DPP6: variants seen among roughly 807,000 people sequenced by gnomAD.
DPP6 encodes the protein A-type potassium channel modulatory protein DPP6.
A neutral mutation model predicts 122.6 loss-of-function variants in DPP6; 69 were observed. That is an observed-to-expected ratio of 0.56 (90% CI 0.46 to 0.69). DPP6 has a LOEUF of 0.69. DPP6 is among the 30% of genes least tolerant of loss of function. The pLI, the probability that DPP6 is intolerant of heterozygous loss-of-function variation, is 0.00. For missense variants in DPP6, 928 were observed against 1,116.9 expected (o/e 0.83, Z 2.41); for synonymous variants, 418 against 433.1 (o/e 0.97, Z 0.43).
At chr7:154,231,007 T>C in intron 1 of DPP6, among the ~76,000 whole-genome samples, 1 of 152,218 alleles carries the variant, frequency 6.6e-6, no homozygotes, top group Non-Finnish European at 1.5e-5. Flanking sequence ...ATTACTTATT[T>C]TTGACATTTG....
chr7:154,702,223 C>A (rs942662632), intron 7 of DPP6, among the ~76,000 whole-genome samples: 1 of 152,254 alleles, frequency 6.6e-6, no homozygotes, highest in Non-Finnish European at 1.5e-5. Flanking sequence ...CTCACCTCCT[C>A]TTGGGCCTCC....
At chr7:154,604,766 T>A (rs572309035) in intron 5 of DPP6, among the ~76,000 whole-genome samples, 1 of 121,082 alleles carries the variant, frequency 8.3e-6, no homozygotes, top group African/African-American at 2.6e-5. Context: ...AGTTACCATT[T>A]TCTTGCTAAG....
At chr7:153,992,699 A>T (rs1251985366) in intron 1 of DPP6, among the ~76,000 whole-genome samples, 1 of 152,210 alleles carries the variant, frequency 6.6e-6, no homozygotes, top group African/African-American at 2.4e-5. Flanking sequence ...GAAGTCCTTT[A>T]TGCTCTAATT....
At chr7:154,334,084 G>T (rs1326508631) in intron 1 of DPP6, among the ~76,000 whole-genome samples, 6 of 151,688 alleles carry the variant, frequency 4.0e-5, no homozygotes, top group Admixed American at 3.9e-4. Flanking sequence ...CCGGTTATAG[G>T]TGTATCATCA....
intron 3 of DPP6, among the ~76,000 whole-genome samples, chr7:154,510,126 G>C (rs1825950415): frequency 6.6e-6 from 1 of 152,120 alleles, no homozygotes; most frequent in Admixed American, 6.5e-5. Flanking sequence ...AAAAATGAAA[G>C]GTAATATATG....
chr7:153,941,690 A>T (rs1184917537), intron 1 of DPP6, among the ~76,000 whole-genome samples: 1 of 152,222 alleles, frequency 6.6e-6, no homozygotes, highest in African/African-American at 2.4e-5. Flanking sequence ...GGGAATTCAA[A>T]GGATAAGGTT....
chr7:154,644,497 A>G (rs1318879980), intron 6 of DPP6, among the ~76,000 whole-genome samples: 1 of 152,150 alleles, frequency 6.6e-6, no homozygotes, highest in Non-Finnish European at 1.5e-5. Flanking sequence ...GAGAATTCTC[A>G]GCACCCATGT....
chr7:154,464,187 C>T (rs921739462), intron 2 of DPP6, among the ~76,000 whole-genome samples: 2 of 152,174 alleles, frequency 1.3e-5, no homozygotes, highest in Non-Finnish European at 2.9e-5. Flanking sequence ...GTGCTCCGTC[C>T]GTGGGAATTG....
At chr7:154,283,912 ATGCATAGCATGAAAGCAGCT>A (rs1804685100) in intron 1 of DPP6, among the ~76,000 whole-genome samples, 1 of 152,226 alleles carries the variant, frequency 6.6e-6, no homozygotes, top group Non-Finnish European at 1.5e-5. Context: ...CTCTTTGCAG[ATGCATAGCATGAAAGCAGCT>A]GTTTCAGAAT....
At chr7:154,452,861 T>C (rs181322222) in intron 2 of DPP6, among the ~76,000 whole-genome samples, 1 of 152,348 alleles carries the variant, frequency 6.6e-6, no homozygotes, top group East Asian at 1.9e-4. Flanking sequence ...AAATTAAAAG[T>C]GTTCAAGGTG....
chr7:154,093,120 C>T (rs1184630959), intron 1 of DPP6, among the ~76,000 whole-genome samples: 1 of 151,508 alleles, frequency 6.6e-6, no homozygotes, highest in Non-Finnish European at 1.5e-5. Flanking sequence ...CATAACACAC[C>T]ACATAACACA....
At chr7:154,739,337 G>A (rs1333462922) in intron 8 of DPP6, among the ~76,000 whole-genome samples, 2 of 152,202 alleles carry the variant, frequency 1.3e-5, no homozygotes, top group African/African-American at 2.4e-5. Context: ...TGTCTAGAGG[G>A]ATGTTGGGGA....
At chr7:153,848,080 T>C in the DPP6 span, among the ~76,000 whole-genome samples, 22 of 152,258 alleles carry the variant, frequency 1.4e-4, 1 homozygote, top group Admixed American at 9.8e-4. Flanking sequence ...TTTTGCCTGG[T>C]CGGGCGGATA....
At chr7:153,990,543 T>C (rs1797118544) in intron 1 of DPP6, among the ~76,000 whole-genome samples, 1 of 152,076 alleles carries the variant, frequency 6.6e-6, no homozygotes, top group African/African-American at 2.4e-5. Flanking sequence ...TGCCTTTTAG[T>C]ACCAGTTCCT....
the DPP6 span, among the ~76,000 whole-genome samples, chr7:153,853,242 G>C: frequency 2.0e-5 from 3 of 152,164 alleles, no homozygotes; most frequent in Non-Finnish European, 4.4e-5. Context: ...GTCTATAGCT[G>C]TTCTGCCTGT....
chr7:154,607,139 C>T (rs1401140274), intron 5 of DPP6, among the ~76,000 whole-genome samples: 2 of 120,962 alleles, frequency 1.7e-5, no homozygotes, highest in Admixed American at 9.3e-5. Context: ...AAAAAGTGAT[C>T]TCTCACGTAT....
chr7:154,045,682 A>G (rs537617717), intron 1 of DPP6, among the ~76,000 whole-genome samples: 72 of 152,362 alleles, frequency 4.7e-4, no homozygotes, highest in Non-Finnish European at 9.6e-4. Flanking sequence ...GTCCTTTTGT[A>G]GTAAGACTAG....
chr7:154,211,698 G>A (rs753493022), intron 1 of DPP6, among the ~76,000 whole-genome samples: 7 of 152,114 alleles, frequency 4.6e-5, no homozygotes, highest in South Asian at 2.1e-4. Context: ...ATTGGTCTGC[G>A]GAAACTGTTT....
At position 153,923,941 on chromosome 7, in the gene DPP6, C is replaced by T. The variant is rs371410832; in HGVS notation, c.51+36207C>T. 1.7e-4 allele frequency among the ~76,000 whole-genome samples: 26 copies of T among 151,922 alleles called. 1 individual carries two copies. The East Asian group carries it at 3.1e-3, about 18-fold the overall frequency. ...TACTAGAAAATAAATACTAACTCAG[C>T]CATGCTATGGTTTAAATATCACCAG... On this transcript the variant is annotated intron_variant, in intron 1 of 25. Coordinates refer to the DPP6 transcript ENST00000404039.
Sources: allele counts gnomAD v4.1 joint callset (sites outside exome capture counted in the v4.1 genomes callset), GRCh38; gene constraint gnomAD v4.1.1; transcripts MANE v1.5; gene names NCBI Gene and HGNC (gene_info 2026-07-23, HGNC 2026-07-21).